Variants in AK9 observed in about 807,000 individuals in gnomAD.
AK9 encodes adenylate kinase domain containing 1.
In AK9, 191 loss-of-function variants were observed where a neutral mutation model predicts 239.6. The observed-to-expected ratio is 0.80, with a 90% confidence interval of 0.71 to 0.90. AK9 has a LOEUF of 0.90. AK9 is among the 40% of genes least tolerant of loss of function. AK9 has a pLI of 0.00. For missense variants in AK9, 1,995 were observed against 2,214.7 expected (o/e 0.90, Z 1.99); for synonymous variants, 689 against 721.0 (o/e 0.96, Z 0.71).
chr6:109,512,694 A>G (rs1241412503), intron 32 of AK9, among the ~76,000 whole-genome samples: 1 of 151,704 alleles, frequency 6.6e-6, no homozygotes, highest in East Asian at 1.9e-4. Flanking sequence ...TGCCCTTTCC[A>G]TTCTGTTCTC....
intron 37 of AK9, 102 bp from the exon 38 acceptor site, chr6:109,497,665 T>G (rs1413912126): frequency 7.4e-7 from 1 of 1,346,592 alleles, no homozygotes; most frequent in Non-Finnish European, 1.0e-6. Flanking sequence ...CCTATGTAGC[T>G]CAAGGAAGAA....
Position 109,539,267 on chromosome 6 carries a change from C to G in AK9, c.3350+2780G>C, listed in dbSNP as rs532737365. On this transcript the variant is annotated intron_variant, in intron 27 of 40. Transcript: ENST00000424296. ...ATCAGACGTAGATTTGGTCTTTTCA[C>G]ATAGTCCCATATTTCTTGGAGGCTT... 3.2e-3 allele frequency among the ~76,000 whole-genome samples: 489 copies of G among 152,332 alleles called. 1 individual carries two copies. Among genetic ancestry groups the G allele is most frequent in the Non-Finnish European group, 5.3e-3 (358 of 68,036 alleles).
At chr6:109,649,057 A>C (rs866111734) in intron 8 of AK9, among the ~76,000 whole-genome samples, 1 of 152,078 alleles carries the variant, frequency 6.6e-6, no homozygotes, top group Non-Finnish European at 1.5e-5. Context: ...CATGCTAAAA[A>C]CTCTCAATAA....
intron 10 of AK9, among the ~76,000 whole-genome samples, chr6:109,636,742 A>G (rs1426258228): frequency 1.5e-5 from 2 of 135,856 alleles, no homozygotes; most frequent in African/African-American, 5.7e-5. Context: ...AGGTTGAATA[A>G]TATTCCATCA....
In AK9 at chr6:109,586,008, T is replaced by C. The variant is rs1283248156; in HGVS notation, c.1907A>G (p.Asn636Ser). The C allele has an allele frequency of 3.9e-5, 61 of 1,551,414 alleles. No individual in the cohort carries two copies. The highest frequency in any genetic ancestry group is 4.8e-5 in the Non-Finnish European group (55 of 1,146,896). Residue 636 changes from asparagine (N) to serine (S), a missense_variant, in exon 18 of 41, where the codon AAC becomes AGC. Physicochemically the swap from Asn to Ser is conservative, Grantham distance 46. Around this residue, in one of 5 missense-constraint regions of AK9, gnomAD observed 1,290 missense variants for 1,392.7 expected, o/e 0.93. Coordinates refer to ENST00000424296, the MANE Select transcript of AK9 (RefSeq NM_001145128.3). ...APKYGGWIVD[N>S]CPIVKELWMA... is the part of the protein sequence containing the mutation. ...CCACAATTCTTTTACAATAGGGCAGTTGTCCACAATCCAGCCTCCATATTT... is the reference window on the plus strand; with the variant it reads ...CCACAATTCTTTTACAATAGGGCAGCTGTCCACAATCCAGCCTCCATATTT...
At chr6:109,510,007 G>T (rs551734518) in intron 32 of AK9, among the ~76,000 whole-genome samples, 2 of 152,220 alleles carry the variant, frequency 1.3e-5, no homozygotes, top group African/African-American at 4.8e-5. Context: ...CTGAGCAGGG[G>T]TTGGGGCCAA....
At chr6:109,671,023 G>T (rs529934226) in intron 5 of AK9, among the ~76,000 whole-genome samples, 58 of 152,126 alleles carry the variant, frequency 3.8e-4, no homozygotes, top group African/African-American at 1.3e-3. Context: ...GTGGATATGG[G>T]ACATTCTATG....
intron 17 of AK9, among the ~76,000 whole-genome samples, chr6:109,594,419 T>A (rs1407320778): frequency 6.6e-6 from 1 of 152,174 alleles, no homozygotes; most frequent in Non-Finnish European, 1.5e-5. Flanking sequence ...ATCAATATCA[T>A]GAAAATGGCC....
chr6:109,621,893 T>TAAAAAAAAAAAA (rs59405869), intron 12 of AK9, among the ~76,000 whole-genome samples: 81 of 55,294 alleles, frequency 1.5e-3, no homozygotes, highest in Non-Finnish European at 1.8e-3. Flanking sequence ...AAAGTATAAT[T>TAAAAAAAAAAAA]AAAAAAAAAA....
intron 21 of AK9, among the ~76,000 whole-genome samples, chr6:109,567,377 C>T (rs1786706957): frequency 6.6e-6 from 1 of 151,898 alleles, no homozygotes; most frequent in South Asian, 2.1e-4. Flanking sequence ...AAGACTAAAC[C>T]AGGAAGAAGC....
At chr6:109,608,301 A>G (rs902865616) in intron 17 of AK9, among the ~76,000 whole-genome samples, 21 of 150,214 alleles carry the variant, frequency 1.4e-4, no homozygotes, top group Non-Finnish European at 2.8e-4. Context: ...AAAAAAAACT[A>G]CAGTCGTTAA....
At chr6:109,644,145 T>C (rs1377388376) in intron 9 of AK9, among the ~76,000 whole-genome samples, 1 of 152,242 alleles carries the variant, frequency 6.6e-6, no homozygotes, top group Non-Finnish European at 1.5e-5. Flanking sequence ...TATTTGACAT[T>C]TAAGAGATAG....
intron 8 of AK9, 62 bp from the exon 9 acceptor site, chr6:109,644,750 C>G: frequency 7.2e-7 from 1 of 1,397,748 alleles, no homozygotes; most frequent in Non-Finnish European, 1.0e-6. Flanking sequence ...AATACAAGAT[C>G]AGAATCTTAA....
chr6:109,610,605 A>C, intron 16 of AK9, 92 bp from the exon 17 acceptor site: 16 of 1,309,340 alleles, frequency 1.2e-5, no homozygotes, highest in Non-Finnish European at 1.4e-5. Context: ...TATCTGACCC[A>C]AGAAAGTATT....
intron 21 of AK9, among the ~76,000 whole-genome samples, chr6:109,567,128 A>C (rs1324017085): frequency 4.6e-5 from 7 of 152,208 alleles, no homozygotes; most frequent in Non-Finnish European, 8.8e-5. Flanking sequence ...TCAAAAAATC[A>C]ATGAATCCAG....
chr6:109,558,508 T>C (rs1281019840), intron 24 of AK9, among the ~76,000 whole-genome samples: 1 of 152,226 alleles, frequency 6.6e-6, no homozygotes, highest in Non-Finnish European at 1.5e-5. Context: ...AAATTGCCTC[T>C]GTAGATTTGT....
intron 17 of AK9, among the ~76,000 whole-genome samples, chr6:109,606,055 C>G (rs982398330): frequency 6.6e-6 from 1 of 152,010 alleles, no homozygotes; most frequent in Non-Finnish European, 1.5e-5. Context: ...AAATCAAACT[C>G]TCAAGAGTTT....
At chr6:109,497,655 C>T in intron 37 of AK9, 92 bp from the exon 38 acceptor site, 2 of 1,329,940 alleles carry the variant, frequency 1.5e-6, no homozygotes, top group South Asian at 2.7e-5. Context: ...TATTTTTCTA[C>T]CTATGTAGCT....
chr6:109,532,964 C>T (rs1781481002), intron 28 of AK9, among the ~76,000 whole-genome samples: 1 of 152,122 alleles, frequency 6.6e-6, no homozygotes, highest in Non-Finnish European at 1.5e-5. Context: ...TTTCAAATCT[C>T]TGTTTGTTAC....
Sources: gnomAD v4.1 joint callset for allele counts (sites outside exome capture counted in the v4.1 genomes callset) on GRCh38, gnomAD v4.1.1 for gene constraint, gnomAD v4.1.1 regional missense constraint, MANE v1.5 for transcripts, NCBI Gene and HGNC (gene_info 2026-07-23, HGNC 2026-07-21) for gene names.